Variants in TFDP2 observed in about 807,000 individuals in gnomAD.
The protein encoded by TFDP2 is transcription factor Dp-2 (E2F dimerization partner 2).
Under a neutral mutation model 59.3 loss-of-function variants are expected in TFDP2, and 17 were observed. The observed-to-expected ratio is 0.29, with a 90% CI of 0.20 to 0.43. The LOEUF (loss-of-function observed/expected upper bound fraction) is 0.43. TFDP2 is among the 20% of genes least tolerant of loss of function. The probability of loss-of-function intolerance (pLI) is 1.00; values close to 1 mark genes in which losing one functional copy is unlikely to be tolerated. For missense variants in TFDP2, 391 were observed against 528.8 expected (o/e 0.74, Z 2.56); for synonymous variants, 180 against 194.7 (o/e 0.92, Z 0.63).
chr3:142,018,449 A>T (rs1945315334), intron 3 of TFDP2, among the ~76,000 whole-genome samples: 1 of 151,838 alleles, frequency 6.6e-6, no homozygotes. Context: ...TATCCTCATT[A>T]ATCTACTGTT....
chr3:142,045,306 CCCA>C (rs1382366504), intron 3 of TFDP2, among the ~76,000 whole-genome samples: 9 of 150,428 alleles, frequency 6.0e-5, no homozygotes, highest in Non-Finnish European at 1.0e-4. Context: ...ACTACAGGTG[CCCA>C]CCACAACACC....
intron 3 of TFDP2, among the ~76,000 whole-genome samples, chr3:142,079,935 T>C (rs535846570): frequency 6.6e-6 from 1 of 152,278 alleles, no homozygotes; most frequent in East Asian, 1.9e-4. Flanking sequence ...TAATGAGCAA[T>C]AAGAAATCAT....
At chr3:142,139,846 T>C (rs1253108784) in intron 1 of TFDP2, among the ~76,000 whole-genome samples, 1 of 152,174 alleles carries the variant, frequency 6.6e-6, no homozygotes, top group African/African-American at 2.4e-5. Flanking sequence ...TTATGTATCT[T>C]GGGGTTGCTC....
chr3:142,076,654 G>A (rs907449585), intron 3 of TFDP2, among the ~76,000 whole-genome samples: 1 of 152,164 alleles, frequency 6.6e-6, no homozygotes, highest in Non-Finnish European at 1.5e-5. Context: ...TGTTAATGAA[G>A]TAATATTAGC....
intron 1 of TFDP2, among the ~76,000 whole-genome samples, chr3:142,119,091 G>A (rs2061947712): frequency 6.6e-6 from 1 of 152,138 alleles, no homozygotes; most frequent in East Asian, 1.9e-4. Flanking sequence ...AACCCAGAAG[G>A]TAGAGGTTGC....
At position 141,974,102 on chromosome 3, in the gene TFDP2, T is replaced by C; in HGVS notation, c.609A>G (p.Glu203=). The part of the protein sequence containing the change: ...AMNIISKEKK[E]IKWIGLPTNS... ...TGGTAGGCAGGCCAATCCACTTGAT[T>C]TCTTTTTTTTCCTTTGAAATTATGT... Residue 203 remains glutamate, a synonymous_variant, in exon 8 of 13, where the codon GAA becomes GAG. Coordinates refer to ENST00000489671, the MANE Select transcript of TFDP2 (RefSeq NM_001178139.2). 10 of 1,613,292 alleles carry C rather than the reference T, an allele frequency of 6.2e-6. No individual in the cohort carries two copies. Among genetic ancestry groups the C allele is most frequent in the Non-Finnish European group, 8.5e-6 (10 of 1,179,680 alleles).
At chr3:142,066,277 T>C (rs879555613) in intron 3 of TFDP2, among the ~76,000 whole-genome samples, 1 of 152,216 alleles carries the variant, frequency 6.6e-6, no homozygotes, top group Non-Finnish European at 1.5e-5. Flanking sequence ...AAACAATTGG[T>C]GCCACTATAA....
chr3:142,048,417 G>GA lies in TFDP2; in HGVS notation c.83-42874dup, dbSNP rs781139541. 3.2e-3 allele frequency among the ~76,000 whole-genome samples: 421 copies of GA among 133,264 alleles called. 2 individuals carry two copies. The East Asian group carries it at 0.034, about 11-fold the overall frequency. 87.4% of individuals were successfully genotyped at this position (133,264 alleles called of 152,430 possible). ...GACAGAGAGAGACCCTGTCTTAAGG[G>GA]AAAAAAAAAAAAAATCAAAAGAAGA... On this transcript the variant is annotated intron_variant, in intron 3 of 12. Transcript: ENST00000489671.
chr3:142,023,172 G>T (rs1249927011), intron 3 of TFDP2, among the ~76,000 whole-genome samples: 1 of 150,620 alleles, frequency 6.6e-6, no homozygotes. Context: ...AAAAAAAGTT[G>T]GGTTTTTAAA....
rs2063297610 is a variant in TFDP2, at chr3:142,149,191, G to A, written c.-101C>T. The A allele has an allele frequency of 2.5e-6, 1 of 397,740 alleles. No individual in the cohort carries two copies. Among genetic ancestry groups the A allele is most frequent in the South Asian group, 1.3e-4 (1 of 7,852 alleles). 24.6% of individuals were successfully genotyped at this position (397,740 alleles called of 1,614,324 possible). On this transcript the variant is annotated 5_prime_UTR_variant, in exon 1 of 13. Coordinates refer to ENST00000489671, the MANE Select transcript of TFDP2 (RefSeq NM_001178139.2). The stretch of plus-strand genomic sequence containing the variant: ...CTCGCCCCAGACCTTACCGCCTTCG[G>A]CTGCAGAAGAACTGGCGGCCAAGCG...
intron 1 of TFDP2, among the ~76,000 whole-genome samples, chr3:142,143,844 C>T (rs1016692248): frequency 1.3e-5 from 2 of 152,116 alleles, no homozygotes; most frequent in Non-Finnish European, 2.9e-5. Flanking sequence ...ACAATTTGGA[C>T]GTTCCTCAAA....
At chr3:142,054,220 T>A (rs1436519416) in intron 3 of TFDP2, 1 of 152,194 alleles carries the variant, frequency 6.6e-6, no homozygotes, top group Non-Finnish European at 1.5e-5. Context: ...TTATTAATAA[T>A]GCTCCACAAG....
intron 1 of TFDP2, among the ~76,000 whole-genome samples, chr3:142,120,361 C>CA (rs905740170): frequency 2.7e-5 from 4 of 150,178 alleles, no homozygotes; most frequent in Non-Finnish European, 4.4e-5. Flanking sequence ...GACTACGTCT[C>CA]AAAAAAAAGA....
In TFDP2 at chr3:141,945,135, C is replaced by CTT; in HGVS notation, c.*7376_*7377dup. 2 of 148,772 alleles carry CTT rather than the reference C, an allele frequency of 1.3e-5. No homozygotes were observed. Among genetic ancestry groups the CTT allele is most frequent in the Non-Finnish European group, 3.0e-5 (2 of 67,028 alleles). The allele number at this position is 148,772 out of a possible 1,614,324, so 9.2% of individuals were successfully genotyped here. A position where few individuals can be genotyped will look rare whatever the true frequency, so the allele number is the denominator to read the frequency against. Reference sequence around the variant, plus strand: ...TTTGGGCTCATGGCCCTTTACCCACCTTTTTTTTTTGAGATGGAATTTCGC... The same window carrying CTT: ...TTTGGGCTCATGGCCCTTTACCCACCTTTTTTTTTTTTGAGATGGAATTTCGC... On this transcript the variant is annotated 3_prime_UTR_variant, in exon 13 of 13. Coordinates refer to ENST00000489671, the MANE Select transcript of TFDP2 (RefSeq NM_001178139.2).
intron 3 of TFDP2, among the ~76,000 whole-genome samples, chr3:142,019,098 CTT>C (rs1376622958): frequency 2.1e-5 from 3 of 144,984 alleles, no homozygotes; most frequent in East Asian, 2.0e-4. Context: ...GAGATTTACT[CTT>C]GTTGCCCAGG....
intron 3 of TFDP2, among the ~76,000 whole-genome samples, chr3:142,061,986 C>T (rs2059931420): frequency 6.6e-6 from 1 of 150,684 alleles, no homozygotes; most frequent in Non-Finnish European, 1.5e-5. Flanking sequence ...TACAGGTACA[C>T]TTATACACAG....
chr3:141,973,682 C>CTTT (rs1198035604), intron 8 of TFDP2, among the ~76,000 whole-genome samples: 1 of 138,546 alleles, frequency 7.2e-6, no homozygotes, highest in East Asian at 2.1e-4. Context: ...CCGGCTTGAT[C>CTTT]CTTTTTTTTT....
intron 3 of TFDP2, among the ~76,000 whole-genome samples, chr3:142,038,278 G>C (rs1946782709): frequency 6.6e-6 from 1 of 151,462 alleles, no homozygotes. Context: ...CAGCTACTCA[G>C]GAGGCTGAGG....
chr3:141,952,787 G>C, intron 12 of TFDP2, 91 bp from the exon 13 acceptor site: 2 of 1,572,372 alleles, frequency 1.3e-6, no homozygotes, highest in Middle Eastern at 1.7e-4. Context: ...AGGTGCCATT[G>C]GTGAGATCTG....
Sources: allele counts gnomAD v4.1 joint callset (sites outside exome capture counted in the v4.1 genomes callset), GRCh38; gene constraint gnomAD v4.1.1; transcripts MANE v1.5; gene names NCBI Gene and HGNC (gene_info 2026-07-23, HGNC 2026-07-21).